The following DUSP16 variants were observed in gnomAD, a reference collection of about 807,000 sequenced individuals.
DUSP16 encodes the protein dual specificity protein phosphatase 16.
Under a neutral mutation model 58.3 loss-of-function variants are expected in DUSP16, and 21 were observed. That is an observed-to-expected ratio of 0.36 (90% CI 0.26 to 0.52). The LOEUF is 0.52. DUSP16 is among the 20% of genes least tolerant of loss of function. DUSP16 has a pLI of 0.94. For synonymous variants in DUSP16, 320 were observed against 323.8 expected (o/e 0.99, Z 0.12); for missense variants, 726 against 819.0 (o/e 0.89, Z 1.39).
rs914479903 is a variant in DUSP16, at chr12:12,560,079, T to C, written c.-366+2038A>G. Among the ~76,000 whole-genome samples, 4 of 152,148 alleles carry C rather than the reference T, an allele frequency of 2.6e-5. No homozygotes were observed. The East Asian group carries it at 5.8e-4, about 22-fold the overall frequency. ...ACAATCACCAAACTGAACGAAAGGA[T>C]AGGGCATTCTAAATTGAAAAAGGAG... On this transcript the variant is annotated intron_variant, in intron 1 of 6. Coordinates refer to ENST00000298573, the MANE Select transcript of DUSP16 (RefSeq NM_030640.3).
At chr12:12,560,834 C>CTT (rs1474375965) in intron 1 of DUSP16, 1 of 152,036 alleles carries the variant, frequency 6.6e-6, no homozygotes, top group Non-Finnish European at 1.5e-5. Flanking sequence ...AACGGTTATC[C>CTT]TTTACGTGGA....
At chr12:12,506,074 T>C (rs1189533708) in intron 3 of DUSP16, 1 of 152,196 alleles carries the variant, frequency 6.6e-6, no homozygotes, top group East Asian at 1.9e-4. Flanking sequence ...TGACAGTTTT[T>C]TCCATTCACT....
At chr12:12,527,199 A>G (rs76416921) in intron 1 of DUSP16, among the ~76,000 whole-genome samples, 2,265 of 152,310 alleles carry the variant, frequency 0.015, 74 homozygotes, top group African/African-American at 0.051. Flanking sequence ...TTTCCCTCCA[A>G]CAAAACTGAA....
rs1416520470 is a variant in DUSP16, at chr12:12,475,705, G to A, written c.*1128C>T. On this transcript the variant is annotated 3_prime_UTR_variant, in exon 7 of 7. Transcript: ENST00000298573. ...GAAACAGGTTTCCTGCTTCTCCTCA[G>A]CAATTTGTACCTTTCTTAATCTTCC... 6.6e-6 allele frequency: 1 copy of A among 152,182 alleles called. No individual in the cohort carries two copies. Among genetic ancestry groups the A allele is most frequent in the Non-Finnish European group, 1.5e-5 (1 of 68,036 alleles). The allele number at this position is 152,182 out of a possible 1,614,324, so 9.4% of individuals were successfully genotyped here.
At chr12:12,527,411 T>C (rs1313332609) in intron 1 of DUSP16, among the ~76,000 whole-genome samples, 2 of 152,062 alleles carry the variant, frequency 1.3e-5, no homozygotes, top group African/African-American at 4.8e-5. Context: ...TAAGATAAAC[T>C]TGATAGAAAT....
intron 1 of DUSP16, among the ~76,000 whole-genome samples, chr12:12,557,023 C>T (rs142068721): frequency 2.6e-4 from 39 of 152,118 alleles, no homozygotes; most frequent in African/African-American, 9.4e-4. Flanking sequence ...AGAGTCTAAC[C>T]TAAGAATATA....
chr12:12,478,174 T>C (rs1304561151), intron 6 of DUSP16, among the ~76,000 whole-genome samples, 159 bp from the exon 7 acceptor site: 1 of 152,144 alleles, frequency 6.6e-6, no homozygotes, highest in Non-Finnish European at 1.5e-5. Context: ...AGGTGGAGAA[T>C]ACAAAGGCCC....
At chr12:12,504,691 TAAAAAAAAA>T (rs57833371) in intron 3 of DUSP16, among the ~76,000 whole-genome samples, 4 of 119,128 alleles carry the variant, frequency 3.4e-5, no homozygotes, top group African/African-American at 1.3e-4. Flanking sequence ...CAATCTCTGT[TAAAAAAAAA>T]AAAAAAAAAA....
intron 1 of DUSP16, among the ~76,000 whole-genome samples, chr12:12,552,354 G>A (rs748526394): frequency 2.6e-5 from 4 of 152,068 alleles, no homozygotes; most frequent in African/African-American, 4.8e-5. Flanking sequence ...GCTGAGGCAG[G>A]AGAATCACTT....
chr12:12,558,208 C>T (rs1484433745), intron 1 of DUSP16, among the ~76,000 whole-genome samples: 1 of 152,218 alleles, frequency 6.6e-6, no homozygotes, highest in Non-Finnish European at 1.5e-5. Flanking sequence ...AGTAGTTAAT[C>T]CAGAAATTCA....
Position 12,521,198 on chromosome 12 carries a change from T to C in DUSP16, c.-100A>G. The C allele has an allele frequency of 6.6e-7, 1 of 1,522,202 alleles. No homozygotes were observed. The highest frequency in any genetic ancestry group is 8.8e-7 in the Non-Finnish European group (1 of 1,135,042). 94.3% of individuals were successfully genotyped at this position (1,522,202 alleles called of 1,614,324 possible). A position where few individuals can be genotyped will look rare whatever the true frequency, so the allele number is the denominator to read the frequency against. ...CTCAGCCACTCCATTGTACTAAAAGTGTATGAGGTCAGGCTGGTGGTGACT... is the reference window on the plus strand; with the variant it reads ...CTCAGCCACTCCATTGTACTAAAAGCGTATGAGGTCAGGCTGGTGGTGACT... On this transcript the variant is annotated 5_prime_UTR_variant, in exon 2 of 7. Transcript: ENST00000298573.
Position 12,474,745 on chromosome 12 carries a change from C to T in DUSP16, c.*2088G>A, listed in dbSNP as rs1440412739. The T allele has an allele frequency of 6.6e-6, 1 of 152,234 alleles. No individual in the cohort carries two copies. The highest frequency in any genetic ancestry group is 2.4e-5 in the African/African-American group (1 of 41,460). 9.4% of individuals were successfully genotyped at this position (152,234 alleles called of 1,614,324 possible). A position where few individuals can be genotyped will look rare whatever the true frequency, so the allele number is the denominator to read the frequency against. ...AAGTCCCCCAAACCTCCTGAAACAT[C>T]GTTAGCAAGGAGCTACTGCTTTCCT... On this transcript the variant is annotated 3_prime_UTR_variant, in exon 7 of 7. Transcript: ENST00000298573.
At chr12:12,508,030 C>T (rs1944024379) in intron 3 of DUSP16, among the ~76,000 whole-genome samples, 1 of 152,240 alleles carries the variant, frequency 6.6e-6, no homozygotes, top group African/African-American at 2.4e-5. Flanking sequence ...AACTAGAGTA[C>T]ACCTTCACCT....
chr12:12,554,819 G>A (rs1010370553), intron 1 of DUSP16, among the ~76,000 whole-genome samples: 3 of 150,744 alleles, frequency 2.0e-5, no homozygotes, highest in African/African-American at 7.3e-5. Flanking sequence ...AAAAAAAAAA[G>A]TCTTTGTTAG....
intron 5 of DUSP16, among the ~76,000 whole-genome samples, 186 bp downstream of exon 5, chr12:12,486,841 AG>A (rs1472520208): frequency 1.3e-5 from 2 of 152,240 alleles, no homozygotes. Context: ...GCCAGTCCTT[AG>A]GGACAGTGTG....
At chr12:12,494,518 A>C (rs2136205620) in intron 4 of DUSP16, among the ~76,000 whole-genome samples, 1 of 152,360 alleles carries the variant, frequency 6.6e-6, no homozygotes, top group South Asian at 2.1e-4. Flanking sequence ...TAGCAGGATA[A>C]ACAAAATGGC....
At chr12:12,482,218 G>C (rs966418233) in intron 5 of DUSP16, among the ~76,000 whole-genome samples, 2 of 151,938 alleles carry the variant, frequency 1.3e-5, no homozygotes. Flanking sequence ...AAGACTTAAC[G>C]CTAGGCACAT....
At chr12:12,498,747 TTAA>T (rs1365328291) in intron 4 of DUSP16, among the ~76,000 whole-genome samples, 11 of 152,320 alleles carry the variant, frequency 7.2e-5, no homozygotes, top group African/African-American at 2.6e-4. Context: ...GCTATCCAGC[TTAA>T]TAGTTTATTC....
At chr12:12,559,444 T>C (rs1054290979) in intron 1 of DUSP16, among the ~76,000 whole-genome samples, 5 of 152,214 alleles carry the variant, frequency 3.3e-5, no homozygotes, top group Non-Finnish European at 5.9e-5. Context: ...TCCAAATCAG[T>C]TCACCCTATA....
Sources: allele counts gnomAD v4.1 joint callset (sites outside exome capture counted in the v4.1 genomes callset), GRCh38; gene constraint gnomAD v4.1.1; transcripts MANE v1.5; gene names NCBI Gene and HGNC (gene_info 2026-07-23, HGNC 2026-07-21).